PON2: variants seen among roughly 807,000 people sequenced by gnomAD.
PON2 encodes the protein serum paraoxonase/arylesterase 2.
Under a neutral mutation model 36.6 loss-of-function variants are expected in PON2, and 27 were observed. The ratio of observed to expected loss-of-function variants is 0.74; its 90% confidence interval spans 0.54 to 1.02. The LOEUF is 1.02. PON2 is among the 50% of genes least tolerant of loss of function. The pLI, the probability that PON2 is intolerant of heterozygous loss-of-function variation, is 0.00. For synonymous variants in PON2, 149 were observed against 156.3 expected (o/e 0.95, Z 0.35); for missense variants, 363 against 421.1 (o/e 0.86, Z 1.21).
At chr7:95,412,230 G>A (rs2068604) in intron 4 of PON2, 82 bp downstream of exon 4, 1 of 1,543,174 alleles carries the variant, frequency 6.5e-7, no homozygotes. Flanking sequence ...TCTCTTCCTA[G>A]AAATATGATC....
intron 6 of PON2, among the ~76,000 whole-genome samples, chr7:95,409,038 T>C (rs1188236287): frequency 1.3e-5 from 2 of 151,990 alleles, no homozygotes; most frequent in Non-Finnish European, 2.9e-5. Context: ...TAGAGCCAGG[T>C]GTGGTGGCAT....
intron 1 of PON2, among the ~76,000 whole-genome samples, chr7:95,426,580 A>G (rs1056639954): frequency 5.9e-5 from 9 of 152,232 alleles, no homozygotes; most frequent in Admixed American, 5.2e-4. Context: ...TTTTCTCAGA[A>G]AGAAGTAAAG....
In PON2 at chr7:95,409,996, G is replaced by A; in HGVS notation, c.600C>T (p.His200=). 3.7e-6 allele frequency: 6 copies of A among 1,613,772 alleles called. No homozygotes were observed. The Middle Eastern group carries it at 6.6e-4, about 178-fold the overall frequency. ...GACTGTAGTAAACAACATTTGCCCA[G>A]TGTAAGTTCAAGTATGTTTCTAAAT... ...LKYLETYLNL[H]WANVVYYSPN... Residue 200 remains histidine (H), a synonymous_variant, in exon 6 of 9, where the codon CAC becomes CAT. Coordinates refer to ENST00000222572, the MANE Select transcript of PON2 (RefSeq NM_000305.3).
chr7:95,405,123 CCTTG>C lies in PON2; in HGVS notation c.*203_*206del. The C allele has an allele frequency of 1.8e-6, 1 of 541,930 alleles. No individual in the cohort carries two copies. Among genetic ancestry groups the C allele is most frequent in the Non-Finnish European group, 3.3e-6 (1 of 305,646 alleles). The allele number at this position is 541,930 out of a possible 1,614,324, so 33.6% of individuals were successfully genotyped here. A position where few individuals can be genotyped will look rare whatever the true frequency, so the allele number is the denominator to read the frequency against. Reference sequence around the variant, plus strand: ...TTCGAAAGCAGCTTTCTTTTCTGTCCCTTGCTTGGCATTTTAAAGAACCTGTTCA... The same window carrying C: ...TTCGAAAGCAGCTTTCTTTTCTGTCCCTTGGCATTTTAAAGAACCTGTTCA... On this transcript the variant is annotated 3_prime_UTR_variant, in exon 9 of 9. Coordinates refer to ENST00000222572, the MANE Select transcript of PON2 (RefSeq NM_000305.3).
At chr7:95,430,721 C>T (rs1325703408) in intron 1 of PON2, among the ~76,000 whole-genome samples, 1 of 151,676 alleles carries the variant, frequency 6.6e-6, no homozygotes, top group Non-Finnish European at 1.5e-5. Flanking sequence ...GATTGTGCTG[C>T]TGCACTCCAG....
intron 3 of PON2, 86 bp from the exon 4 acceptor site, chr7:95,412,563 G>C: frequency 7.1e-7 from 1 of 1,409,464 alleles, no homozygotes. Context: ...AGGATAAATA[G>C]AGATTGTGGT....
At chr7:95,410,962 G>A (rs994290749) in intron 5 of PON2, among the ~76,000 whole-genome samples, 1 of 151,830 alleles carries the variant, frequency 6.6e-6, no homozygotes, top group African/African-American at 2.4e-5. Context: ...GCATAGATAG[G>A]CCCTAGATAG....
chr7:95,407,575 G>A (rs1461663101), intron 6 of PON2, among the ~76,000 whole-genome samples: 1 of 152,172 alleles, frequency 6.6e-6, no homozygotes, highest in Non-Finnish European at 1.5e-5. Flanking sequence ...TCAAAGGTGA[G>A]TGAATTAACA....
At chr7:95,418,012 AT>A (rs1271343763) in intron 2 of PON2, among the ~76,000 whole-genome samples, 2 of 152,162 alleles carry the variant, frequency 1.3e-5, no homozygotes, top group Non-Finnish European at 2.9e-5. Flanking sequence ...TATTTCAACC[AT>A]ATTGTAACTT....
At chr7:95,415,515 A>G (rs1325219713) in intron 3 of PON2, among the ~76,000 whole-genome samples, 2 of 152,242 alleles carry the variant, frequency 1.3e-5, no homozygotes, top group African/African-American at 4.8e-5. Flanking sequence ...ATAATATTTG[A>G]AAATAAATAA....
intron 3 of PON2, 130 bp downstream of exon 3, chr7:95,416,112 T>G: frequency 1.3e-6 from 2 of 1,487,604 alleles, no homozygotes; most frequent in Non-Finnish European, 1.8e-6. Flanking sequence ...TCCAAGATCT[T>G]GTTTGACCTC....
chr7:95,418,794 T>C (rs1439719970), intron 2 of PON2, among the ~76,000 whole-genome samples: 1 of 152,200 alleles, frequency 6.6e-6, no homozygotes, highest in African/African-American at 2.4e-5. Flanking sequence ...TCACTCTTAT[T>C]GTGTGCTTGA....
rs1809687951 is a variant in PON2 at position 95,406,223 on chromosome 7, C to A, written c.802G>T (p.Asp268Tyr). Reference protein sequence around the residue: ...LKVLELDTLVDNLSIDPSSGD... With the variant: ...LKVLELDTLVYNLSIDPSSGD... ...GAGGAAGGATCAATAGATAAATTAT[C>A]CACCAGTGTATCCAGCTCAAGTACC... Residue 268 changes from aspartate (D) to tyrosine (Y), a missense_variant, in exon 8 of 9, where the codon GAT becomes TAT. Coordinates refer to ENST00000222572, the MANE Select transcript of PON2 (RefSeq NM_000305.3). 6.2e-7 allele frequency: 1 copy of A among 1,611,770 alleles called. No homozygotes were observed. Among genetic ancestry groups the A allele is most frequent in the Non-Finnish European group, 8.5e-7 (1 of 1,177,954 alleles).
intron 7 of PON2, 82 bp from the exon 8 acceptor site, chr7:95,406,329 G>T: frequency 1.4e-6 from 2 of 1,419,052 alleles, no homozygotes; most frequent in Non-Finnish European, 9.9e-7. Context: ...CTGCCTCTAT[G>T]CATGTGAGGA....
Position 95,416,041 on chromosome 7 carries a change from A to T in PON2, c.201+201T>A, listed in dbSNP as rs138473088. 69 of 876,508 alleles carry T rather than the reference A, an allele frequency of 7.9e-5. No individual in the cohort carries two copies. In the African/African-American group the frequency reaches 1.0e-3, roughly 13 times the overall value. The allele number at this position is 876,508 out of a possible 1,614,324, so 54.3% of individuals were successfully genotyped here. On this transcript the variant is annotated intron_variant, in intron 3 of 8. Coordinates refer to ENST00000222572, the MANE Select transcript of PON2 (RefSeq NM_000305.3). ...AGTGCAATGCAATGGGGAAATAAAG[A>T]ACACTATCTCAATGGGCAAAGAGTC...
chr7:95,425,612 C>T (rs1789297826), intron 1 of PON2, among the ~76,000 whole-genome samples: 1 of 152,182 alleles, frequency 6.6e-6, no homozygotes, highest in Non-Finnish European at 1.5e-5. Flanking sequence ...GTGTCCTTCT[C>T]CTGTGCATAT....
In PON2 at chr7:95,411,789, T is replaced by A; in HGVS notation, c.368-10A>T. On this transcript the variant is annotated splice_polypyrimidine_tract_variant and intron_variant, in intron 4 of 8. Transcript: ENST00000222572. Reference sequence around the variant, plus strand: ...AGATAAACTGTGTCATCTAAAGAATTGAAAGAACAGAGTTAATTTACAAGA... The same window carrying A: ...AGATAAACTGTGTCATCTAAAGAATAGAAAGAACAGAGTTAATTTACAAGA... 6.2e-7 allele frequency: 1 copy of A among 1,613,062 alleles called. No individual in the cohort carries two copies.
chr7:95,425,382 C>T (rs147685900), intron 1 of PON2, among the ~76,000 whole-genome samples: 61 of 152,268 alleles, frequency 4.0e-4, no homozygotes, highest in African/African-American at 1.5e-3. Context: ...CTTCCCCCTC[C>T]CTCTCCACTC....
At chr7:95,417,716 C>CACACACACACACACACAG (rs772303220) in intron 2 of PON2, among the ~76,000 whole-genome samples, 4,721 of 148,750 alleles carry the variant, frequency 0.032, 155 homozygotes, top group South Asian at 0.068. Flanking sequence ...CACACACACA[C>CACACACACACACACACAG]ACACACACAC....
Sources: allele counts gnomAD v4.1 joint callset (sites outside exome capture counted in the v4.1 genomes callset), GRCh38; gene constraint gnomAD v4.1.1; transcripts MANE v1.5; gene names NCBI Gene and HGNC (gene_info 2026-07-23, HGNC 2026-07-21).